RAB3C: variants seen among roughly 807,000 people sequenced by gnomAD.
The protein encoded by RAB3C is ras-related protein Rab-3C.
RAB3C carries 17 observed loss-of-function variants against 26.4 expected under a neutral mutation model. That is an observed-to-expected ratio of 0.64 (90% CI 0.44 to 0.97). The LOEUF (loss-of-function observed/expected upper bound fraction) is 0.97, where lower values mean the gene tolerates loss of function less well. RAB3C is among the 50% of genes least tolerant of loss of function. The probability of loss-of-function intolerance (pLI) is 0.00; values close to 1 mark genes in which losing one functional copy is unlikely to be tolerated. For synonymous variants in RAB3C, 91 were observed against 95.9 expected, an observed-to-expected ratio of 0.95 and a Z score of 0.30; for missense variants, 242 against 281.9, an observed-to-expected ratio of 0.86 and a Z score of 1.01.
chr5:58,621,637 G>A (rs912488702), intron 2 of RAB3C, among the ~76,000 whole-genome samples: 10 of 152,176 alleles, frequency 6.6e-5, no homozygotes, highest in Admixed American at 6.5e-5. Flanking sequence ...GTGCAGTGGT[G>A]CAATCTTGGC....
chr5:58,851,233 A>G lies in RAB3C; in HGVS notation c.566A>G (p.Asp189Gly). Residue 189 changes from aspartate (D) to glycine (G), a missense_variant, in exon 5 of 5, where the codon GAT becomes GGT. By Grantham distance (94) the Asp-to-Gly change is moderately conservative. Transcript: ENST00000282878. The part of the protein sequence containing the change: ...NVKQTFERLV[D>G]IICDKMSESL... ...AAGCAGACATTTGAGCGCCTTGTGG[A>G]TATCATCTGCGACAAAATGTCAGAG... 1 of 1,613,962 alleles carries G rather than the reference A, an allele frequency of 6.2e-7. No homozygotes were observed. The highest frequency in any genetic ancestry group is 2.2e-5 in the East Asian group (1 of 44,854).
At chr5:58,843,747 A>G (rs1743926249) in intron 4 of RAB3C, among the ~76,000 whole-genome samples, 1 of 152,178 alleles carries the variant, frequency 6.6e-6, no homozygotes, top group Non-Finnish European at 1.5e-5. Context: ...AACCAAAACG[A>G]TATTTTGTGA....
At chr5:58,775,401 A>G (rs1742108418) in intron 3 of RAB3C, among the ~76,000 whole-genome samples, 1 of 152,060 alleles carries the variant, frequency 6.6e-6, no homozygotes, top group Non-Finnish European at 1.5e-5. Context: ...AGAAGATCCC[A>G]CCTGGCAGGT....
chr5:58,706,531 A>G (rs1472178037), intron 2 of RAB3C, among the ~76,000 whole-genome samples: 1 of 152,204 alleles, frequency 6.6e-6, no homozygotes, highest in African/African-American at 2.4e-5. Context: ...TAGGATTAAA[A>G]TAAAGTATCT....
Position 58,630,623 on chromosome 5 carries a change from A to T in RAB3C, c.252+12753A>T, listed in dbSNP as rs114985485. ...TATTCAACCTGTTGCTGTATCACAC[A>T]TCATGTAACCTCTGGAAATTTCCAC... On this transcript the variant is annotated intron_variant, in intron 2 of 4. Coordinates refer to ENST00000282878, the MANE Select transcript of RAB3C (RefSeq NM_138453.4). Among the ~76,000 whole-genome samples, 1,042 of 152,316 alleles carry T rather than the reference A, an allele frequency of 6.8e-3. 4 individuals are homozygous for T. Among genetic ancestry groups the T allele is most frequent in the African/African-American group, 0.022 (918 of 41,566 alleles).
In RAB3C at chr5:58,749,161, G is replaced by A. The variant is rs150649780; in HGVS notation, c.371+23041G>A. Among the ~76,000 whole-genome samples, 402 of 152,056 alleles carry A rather than the reference G, an allele frequency of 2.6e-3. 1 individual carries two copies. Among genetic ancestry groups the A allele is most frequent in the African/African-American group, 9.2e-3 (383 of 41,480 alleles). On this transcript the variant is annotated intron_variant, in intron 3 of 4. Transcript: ENST00000282878. ...TATTTTATGAGTAGAATTGTACTTT[G>A]CACCTATTCCCTTTTCTTCTATTGT... is the stretch of plus-strand genomic sequence containing the variant.
At chr5:58,824,781 G>A (rs1019145604) in intron 3 of RAB3C, among the ~76,000 whole-genome samples, 3 of 152,146 alleles carry the variant, frequency 2.0e-5, no homozygotes, top group African/African-American at 7.2e-5. Flanking sequence ...AGAATCAGTA[G>A]TGGTATTAAT....
rs1744262279 is a variant in RAB3C, at chr5:58,856,482, A to C, written c.*5131A>C. On this transcript the variant is annotated 3_prime_UTR_variant, in exon 5 of 5. Transcript: ENST00000282878. The stretch of plus-strand genomic sequence containing the variant: ...ATGGAATGACAGGACCAAGAATAGA[A>C]AATGAGACTCAAATTTCACCATTTA... The C allele has an allele frequency of 6.6e-6, 1 of 152,162 alleles. No homozygotes were observed. The highest frequency in any genetic ancestry group is 1.5e-5 in the Non-Finnish European group (1 of 68,020). The allele number at this position is 152,162 out of a possible 1,614,324, so 9.4% of individuals were successfully genotyped here.
intron 2 of RAB3C, among the ~76,000 whole-genome samples, chr5:58,676,803 C>T (rs1456166928): frequency 6.6e-6 from 1 of 151,968 alleles, no homozygotes; most frequent in African/African-American, 2.4e-5. Flanking sequence ...TTTTGTTTTC[C>T]TTTGTCATGC....
At chr5:58,666,259 A>G (rs560714323) in intron 2 of RAB3C, among the ~76,000 whole-genome samples, 2 of 152,300 alleles carry the variant, frequency 1.3e-5, no homozygotes, top group South Asian at 4.1e-4. Context: ...TGTAATGTTC[A>G]TGTTTCCCCA....
intron 2 of RAB3C, among the ~76,000 whole-genome samples, chr5:58,655,295 G>C (rs1747743970): frequency 6.6e-6 from 1 of 152,152 alleles, no homozygotes; most frequent in Non-Finnish European, 1.5e-5. Flanking sequence ...AGGAGTCTTT[G>C]GCAAAAGGTT....
At position 58,583,119 on chromosome 5, in the gene RAB3C, T is replaced by C. The variant is rs1409770591; in HGVS notation, c.-90T>C. On this transcript the variant is annotated 5_prime_UTR_variant, in exon 1 of 5. Coordinates refer to ENST00000282878, the MANE Select transcript of RAB3C (RefSeq NM_138453.4). Reference sequence around the variant, plus strand: ...GTTAGCGAACCCCAAGAGTGCAGAGTGTGGAGCGTGGAGCGCCGGGACTGT... The same window carrying C: ...GTTAGCGAACCCCAAGAGTGCAGAGCGTGGAGCGTGGAGCGCCGGGACTGT... The C allele has an allele frequency of 1.2e-6, 2 of 1,602,988 alleles. No individual in the cohort carries two copies. The highest frequency in any genetic ancestry group is 1.7e-6 in the Non-Finnish European group (2 of 1,175,806).
intron 2 of RAB3C, among the ~76,000 whole-genome samples, chr5:58,688,535 T>G (rs1949019): frequency 6.6e-6 from 1 of 152,122 alleles, no homozygotes; most frequent in Non-Finnish European, 1.5e-5. Context: ...TTATGAAGCC[T>G]TTACATAAAG....
At chr5:58,609,865 G>A (rs1053604974) in intron 1 of RAB3C, among the ~76,000 whole-genome samples, 6 of 152,084 alleles carry the variant, frequency 3.9e-5, no homozygotes, top group African/African-American at 2.4e-5. Flanking sequence ...ACTTTCCAGC[G>A]TCTTGGCCAC....
intron 2 of RAB3C, among the ~76,000 whole-genome samples, chr5:58,632,074 G>T (rs1472075081): frequency 6.6e-6 from 1 of 152,212 alleles, no homozygotes; most frequent in African/African-American, 2.4e-5. Context: ...GGCCTTGATG[G>T]TGACACATGA....
intron 2 of RAB3C, among the ~76,000 whole-genome samples, chr5:58,698,294 G>C (rs1748762691): frequency 6.6e-6 from 1 of 152,182 alleles, no homozygotes; most frequent in African/African-American, 2.4e-5. Flanking sequence ...CGAGAGATCA[G>C]CTGTTAGTAT....
chr5:58,755,231 G>A (rs1347261786), intron 3 of RAB3C, among the ~76,000 whole-genome samples: 1 of 152,158 alleles, frequency 6.6e-6, no homozygotes, highest in African/African-American at 2.4e-5. Context: ...TCTTATTCTA[G>A]GGCAATGCCT....
rs760676420 is a variant in RAB3C, at chr5:58,856,958, G to A, written c.*5607G>A. ...TTAATGTCAGACGTGATGTGATACCGTTAGACTGTCCAAATGTACAACAAT... is the reference window on the plus strand; with the variant it reads ...TTAATGTCAGACGTGATGTGATACCATTAGACTGTCCAAATGTACAACAAT... On this transcript the variant is annotated 3_prime_UTR_variant, in exon 5 of 5. Coordinates refer to ENST00000282878, the MANE Select transcript of RAB3C (RefSeq NM_138453.4). The A allele has an allele frequency of 1.3e-5, 2 of 152,296 alleles. No individual in the cohort carries two copies. Among genetic ancestry groups the A allele is most frequent in the East Asian group, 3.9e-4 (2 of 5,192 alleles). 9.4% of individuals were successfully genotyped at this position (152,296 alleles called of 1,614,324 possible).
intron 3 of RAB3C, among the ~76,000 whole-genome samples, chr5:58,799,860 G>A (rs552717416): frequency 3.9e-5 from 6 of 152,222 alleles, no homozygotes; most frequent in Middle Eastern, 3.4e-3. Context: ...TTTAATAGAA[G>A]TCAATGTAAT....
Sources: allele counts gnomAD v4.1 joint callset (sites outside exome capture counted in the v4.1 genomes callset), GRCh38; gene constraint gnomAD v4.1.1; transcripts MANE v1.5; gene names NCBI Gene and HGNC (gene_info 2026-07-23, HGNC 2026-07-21).